Variants in PTPRT observed in about 807,000 individuals in gnomAD.
The protein encoded by PTPRT is receptor-type tyrosine-protein phosphatase T.
Under a neutral mutation model 176.8 loss-of-function variants are expected in PTPRT, and 56 were observed. The ratio of observed to expected loss-of-function variants is 0.32; its 90% CI spans 0.26 to 0.40. The LOEUF (loss-of-function observed/expected upper bound fraction) is 0.40. PTPRT is among the 10% of genes least tolerant of loss of function. The probability of loss-of-function intolerance (pLI) is 1.00; values close to 1 mark genes in which losing one functional copy is unlikely to be tolerated. For missense variants in PTPRT, 1,540 were observed against 1,908.2 expected (o/e 0.81, Z 3.60); for synonymous variants, 783 against 739.0 (o/e 1.06, Z -0.96).
chr20:43,187,791 G>C (rs1010724594), intron 1 of PTPRT, among the ~76,000 whole-genome samples: 19 of 152,286 alleles, frequency 1.2e-4, no homozygotes, highest in African/African-American at 4.3e-4. Context: ...AAAGGTGCTC[G>C]CTCCTCACAC....
intron 7 of PTPRT, among the ~76,000 whole-genome samples, chr20:42,620,675 C>T (rs1284748100): frequency 6.6e-6 from 1 of 152,194 alleles, no homozygotes; most frequent in Non-Finnish European, 1.5e-5. Context: ...CTGAAAAGCG[C>T]AATATTCGGG....
the PTPRT span, among the ~76,000 whole-genome samples, chr20:42,041,380 C>T: frequency 9.2e-5 from 14 of 152,182 alleles, no homozygotes; most frequent in Non-Finnish European, 1.8e-4. Flanking sequence ...GTGAGCATTT[C>T]TGCCACCTGG....
intron 7 of PTPRT, among the ~76,000 whole-genome samples, chr20:42,600,824 T>C (rs1157701368): frequency 1.3e-5 from 2 of 152,348 alleles, no homozygotes; most frequent in Admixed American, 6.5e-5. Context: ...CCATGGTATA[T>C]ATGCAACACA....
chr20:42,280,480 T>A (rs2057121146), intron 13 of PTPRT, among the ~76,000 whole-genome samples: 1 of 152,138 alleles, frequency 6.6e-6, no homozygotes, highest in Non-Finnish European at 1.5e-5. Context: ...ATGCGGATGC[T>A]CTGATTTCCC....
intron 15 of PTPRT, among the ~76,000 whole-genome samples, chr20:42,210,802 A>G (rs374588434): frequency 1.3e-5 from 2 of 152,156 alleles, no homozygotes; most frequent in African/African-American, 2.4e-5. Flanking sequence ...CTACTTTAAA[A>G]TTCATATGGA....
At chr20:42,674,997 G>A (rs1463704570) in intron 7 of PTPRT, among the ~76,000 whole-genome samples, 1 of 152,198 alleles carries the variant, frequency 6.6e-6, no homozygotes, top group East Asian at 1.9e-4. Flanking sequence ...AAACATTAGT[G>A]AAGGAGAAAC....
Position 42,483,506 on chromosome 20 carries a change from C to A in PTPRT, c.1154-10944G>T, listed in dbSNP as rs145460055. On this transcript the variant is annotated intron_variant, in intron 7 of 30. Coordinates refer to ENST00000373187, the MANE Select transcript of PTPRT (RefSeq NM_007050.6). ...GCCTTCCTTTAAACATTAGTTCTTCCGAGAAAGCTGTCACTCAAAAGCTTC... is the reference window on the plus strand; with the variant it reads ...GCCTTCCTTTAAACATTAGTTCTTCAGAGAAAGCTGTCACTCAAAAGCTTC... Among the ~76,000 whole-genome samples the A allele has an allele frequency of 2.3e-3, 355 of 152,220 alleles. 2 individuals are homozygous for A. The highest frequency in any genetic ancestry group is 8.3e-3 in the African/African-American group (344 of 41,536).
At chr20:42,182,805 C>T (rs1990574781) in intron 16 of PTPRT, among the ~76,000 whole-genome samples, 1 of 152,004 alleles carries the variant, frequency 6.6e-6, no homozygotes, top group African/African-American at 2.4e-5. Context: ...AAAATGGTTT[C>T]AAGAATGGAA....
chr20:42,844,608 T>C (rs2078336676), intron 2 of PTPRT, among the ~76,000 whole-genome samples: 1 of 152,134 alleles, frequency 6.6e-6, no homozygotes, highest in South Asian at 2.1e-4. Context: ...AGGGAATCCA[T>C]GCTGACCACT....
chr20:42,566,315 T>C (rs2073039530), intron 7 of PTPRT, among the ~76,000 whole-genome samples: 1 of 152,068 alleles, frequency 6.6e-6, no homozygotes, highest in African/African-American at 2.4e-5. Flanking sequence ...TTTGTATTTT[T>C]CATAGACACG....
chr20:42,239,417 T>C (rs986722526), intron 14 of PTPRT, among the ~76,000 whole-genome samples: 67 of 131,142 alleles, frequency 5.1e-4, no homozygotes, highest in African/African-American at 1.8e-3. Flanking sequence ...TTCTTTCTTT[T>C]TTTTTTTTTT....
intron 17 of PTPRT, among the ~76,000 whole-genome samples, chr20:42,156,758 TC>T (rs1989372459): frequency 1.3e-5 from 2 of 152,186 alleles, no homozygotes; most frequent in South Asian, 4.1e-4. Context: ...GTTGGCTCCA[TC>T]TTTTAAATAT....
At position 42,305,572 on chromosome 20, in the gene PTPRT, A is replaced by G. The variant is rs545618118; in HGVS notation, c.2139+10151T>C. On this transcript the variant is annotated intron_variant, in intron 12 of 30. Transcript: ENST00000373187. Reference sequence around the variant, plus strand: ...ACCAAAGATACTTCAAAGTTTTCCAATAACTGAATTGAGTATCAGTTTTAA... The same window carrying G: ...ACCAAAGATACTTCAAAGTTTTCCAGTAACTGAATTGAGTATCAGTTTTAA... 1.6e-4 allele frequency among the ~76,000 whole-genome samples: 24 copies of G among 152,276 alleles called. No homozygotes were observed. In the South Asian group the frequency reaches 4.6e-3, roughly 29 times the overall value.
intron 13 of PTPRT, among the ~76,000 whole-genome samples, chr20:42,281,670 T>G (rs1206360024): frequency 5.9e-5 from 9 of 152,168 alleles, no homozygotes; most frequent in Admixed American, 5.9e-4. Flanking sequence ...GTTTACCACT[T>G]TTATCTCCTT....
chr20:42,991,002 AG>A (rs147111916), intron 1 of PTPRT, among the ~76,000 whole-genome samples: 1 of 152,174 alleles, frequency 6.6e-6, no homozygotes, highest in Non-Finnish European at 1.5e-5. Flanking sequence ...TAGAAAATTT[AG>A]GGGGTGAAAG....
At chr20:42,085,652 G>T in intron 28 of PTPRT, 76 bp downstream of exon 28, 1 of 1,582,496 alleles carries the variant, frequency 6.3e-7, no homozygotes, top group Non-Finnish European at 8.6e-7. Context: ...GGCTGGCTCA[G>T]CGGGATCCTC....
intron 1 of PTPRT, among the ~76,000 whole-genome samples, chr20:43,109,094 T>C (rs1047247911): frequency 1.3e-5 from 2 of 152,092 alleles, no homozygotes; most frequent in Non-Finnish European, 2.9e-5. Flanking sequence ...TTCCCCGCTT[T>C]CCCTTTCTCT....
chr20:42,443,950 C>T (rs1003841104), intron 9 of PTPRT, among the ~76,000 whole-genome samples: 3 of 152,176 alleles, frequency 2.0e-5, no homozygotes, highest in Non-Finnish European at 4.4e-5. Flanking sequence ...CTTGTGTGCC[C>T]ACCATCTCTT....
At chr20:42,228,993 G>A (rs2056078681) in intron 15 of PTPRT, among the ~76,000 whole-genome samples, 2 of 152,202 alleles carry the variant, frequency 1.3e-5, no homozygotes, top group African/African-American at 2.4e-5. Context: ...ATTGGAGGGG[G>A]CCTCCAAAGT....
Sources: gnomAD v4.1 joint callset for allele counts (sites outside exome capture counted in the v4.1 genomes callset) on GRCh38, gnomAD v4.1.1 for gene constraint, MANE v1.5 for transcripts, NCBI Gene and HGNC (gene_info 2026-07-23, HGNC 2026-07-21) for gene names.